Variants in GABRB3 observed in about 807,000 individuals in gnomAD.
The protein encoded by GABRB3 is gamma-aminobutyric acid type A receptor subunit beta3.
Under a neutral mutation model 52.1 loss-of-function variants are expected in GABRB3, and 14 were observed. The ratio of observed to expected loss-of-function variants is 0.27; its 90% confidence interval spans 0.18 to 0.42. GABRB3 has a LOEUF of 0.42. GABRB3 is among the 10% of genes least tolerant of loss of function. The pLI is 1.00. For synonymous variants in GABRB3, 260 were observed against 232.3 expected (o/e 1.12, Z -1.08); for missense variants, 307 against 609.1 (o/e 0.50, Z 5.22).
At chr15:26,650,948 CTT>C (rs1296935095) in intron 3 of GABRB3, among the ~76,000 whole-genome samples, 1 of 152,132 alleles carries the variant, frequency 6.6e-6, no homozygotes, top group Non-Finnish European at 1.5e-5. Context: ...ATGTTCATCA[CTT>C]AAGAAAGTTA....
At chr15:26,752,906 G>T (rs1300656100) in intron 3 of GABRB3, among the ~76,000 whole-genome samples, 1 of 152,150 alleles carries the variant, frequency 6.6e-6, no homozygotes, top group East Asian at 1.9e-4. Context: ...TGCTTTCCTT[G>T]AAGATTAGGT....
chr15:26,656,256 C>T (rs1887370218), intron 3 of GABRB3, among the ~76,000 whole-genome samples: 1 of 152,196 alleles, frequency 6.6e-6, no homozygotes, highest in South Asian at 2.1e-4. Flanking sequence ...TCTCATTTCC[C>T]TCCAGCTCCG....
intron 3 of GABRB3, among the ~76,000 whole-genome samples, chr15:26,748,272 G>A (rs971850869): frequency 6.6e-6 from 1 of 152,020 alleles, no homozygotes; most frequent in African/African-American, 2.4e-5. Flanking sequence ...ATTTTCTAGA[G>A]GAGACTGCAT....
intron 4 of GABRB3, among the ~76,000 whole-genome samples, chr15:26,619,694 A>T (rs1892401108): frequency 6.6e-6 from 1 of 152,144 alleles, no homozygotes; most frequent in Non-Finnish European, 1.5e-5. Context: ...TAAATAAAAA[A>T]TAAAGAATGC....
At chr15:26,611,138 AT>A (rs1892053413) in intron 4 of GABRB3, among the ~76,000 whole-genome samples, 1 of 152,162 alleles carries the variant, frequency 6.6e-6, no homozygotes, top group Non-Finnish European at 1.5e-5. Flanking sequence ...GTAACTGGAA[AT>A]GATAACTAGT....
chr15:26,603,990 T>C (rs1386364331), intron 4 of GABRB3, among the ~76,000 whole-genome samples: 1 of 152,130 alleles, frequency 6.6e-6, no homozygotes, highest in East Asian at 1.9e-4. Flanking sequence ...ATTATCCTTG[T>C]TTGCAGATGG....
At chr15:26,623,567 G>A (rs1892569883) in intron 3 of GABRB3, among the ~76,000 whole-genome samples, 1 of 152,104 alleles carries the variant, frequency 6.6e-6, no homozygotes, top group Admixed American at 6.5e-5. Flanking sequence ...TTACAGTCCA[G>A]AGGTCTTTTA....
intron 8 of GABRB3, among the ~76,000 whole-genome samples, chr15:26,554,207 A>ATATATATATATATTTT (rs1348288306): frequency 1.7e-5 from 1 of 57,808 alleles, no homozygotes; most frequent in Non-Finnish European, 4.1e-5. Flanking sequence ...ATATATATAT[A>ATATATATATATATTTT]TAGTAGAAAC....
At chr15:26,628,244 G>A (rs1396848765) in intron 3 of GABRB3, among the ~76,000 whole-genome samples, 1 of 152,222 alleles carries the variant, frequency 6.6e-6, no homozygotes, top group African/African-American at 2.4e-5. Context: ...TACAGCAATG[G>A]TCTGGAACAG....
At chr15:26,660,075 C>G (rs1302357635) in intron 3 of GABRB3, among the ~76,000 whole-genome samples, 1 of 151,886 alleles carries the variant, frequency 6.6e-6, no homozygotes, top group East Asian at 1.9e-4. Context: ...ACTAAAAATA[C>G]AAAAATTAGC....
chr15:26,689,147 C>G (rs1216853677), intron 3 of GABRB3, among the ~76,000 whole-genome samples: 4 of 152,160 alleles, frequency 2.6e-5, no homozygotes, highest in African/African-American at 9.7e-5. Flanking sequence ...TCCCAGGTCC[C>G]CCAGTGCCCC....
At chr15:26,616,161 G>A (rs951427107) in intron 4 of GABRB3, 69 of 1,091,698 alleles carry the variant, frequency 6.3e-5, no homozygotes, top group Admixed American at 1.9e-4. Flanking sequence ...AAAAAGACAC[G>A]GGAGGGAAGG....
At chr15:26,628,613 G>T (rs754071870) in intron 3 of GABRB3, among the ~76,000 whole-genome samples, 24 of 152,158 alleles carry the variant, frequency 1.6e-4, no homozygotes, top group Non-Finnish European at 3.2e-4. Flanking sequence ...GCCAGTCTTG[G>T]GTATGGACAT....
rs567279106 is a variant in GABRB3, at chr15:26,678,568, G to C, written c.241-57034C>G. On this transcript the variant is annotated intron_variant, in intron 3 of 8. Transcript: ENST00000311550. ...GGAGAGAGAGAGAATGAGAGTGAGAGAGAGAGAGAGAGGCAAAGAGAGGGG... is the reference window on the plus strand; with the variant it reads ...GGAGAGAGAGAGAATGAGAGTGAGACAGAGAGAGAGAGGCAAAGAGAGGGG... Among the ~76,000 whole-genome samples, 8 of 152,180 alleles carry C rather than the reference G, an allele frequency of 5.3e-5. 1 individual carries two copies. The South Asian group carries it at 1.0e-3, about 20-fold the overall frequency.
chr15:26,682,972 A>C (rs553812257), intron 3 of GABRB3, among the ~76,000 whole-genome samples: 1 of 152,322 alleles, frequency 6.6e-6, no homozygotes, highest in African/African-American at 2.4e-5. Context: ...GCTGTTGGCC[A>C]CTAGAGAGTG....
intron 8 of GABRB3, among the ~76,000 whole-genome samples, chr15:26,556,213 G>C (rs1889744477): frequency 6.6e-6 from 1 of 152,124 alleles, no homozygotes; most frequent in African/African-American, 2.4e-5. Flanking sequence ...AACCTTGACA[G>C]GTGCAAACAT....
chr15:26,660,017 G>A (rs1197448687), intron 3 of GABRB3, among the ~76,000 whole-genome samples: 1 of 152,150 alleles, frequency 6.6e-6, no homozygotes, highest in Non-Finnish European at 1.5e-5. Context: ...GGATCACAAA[G>A]TCAGGAATTT....
intron 3 of GABRB3, among the ~76,000 whole-genome samples, chr15:26,665,925 T>C (rs1197622836): frequency 6.6e-6 from 1 of 152,216 alleles, no homozygotes; most frequent in African/African-American, 2.4e-5. Flanking sequence ...TGTGTTGAAA[T>C]GGCACGTGTG....
intron 7 of GABRB3, among the ~76,000 whole-genome samples, chr15:26,562,024 T>C (rs1448617859): frequency 1.3e-5 from 2 of 152,218 alleles, no homozygotes; most frequent in Non-Finnish European, 2.9e-5. Context: ...TAGAGCTCAA[T>C]TTAGTCTAAA....
Sources: allele counts gnomAD v4.1 joint callset (sites outside exome capture counted in the v4.1 genomes callset), GRCh38; gene constraint gnomAD v4.1.1; transcripts MANE v1.5; gene names NCBI Gene and HGNC (gene_info 2026-07-23, HGNC 2026-07-21).